The following PIK3C2G variants were observed in gnomAD, a reference collection of about 807,000 sequenced individuals.
The protein encoded by PIK3C2G is phosphatidylinositol 3-kinase C2 domain-containing subunit gamma.
In PIK3C2G, 168 loss-of-function variants were observed where a neutral mutation model predicts 181.1. The observed-to-expected ratio is 0.93, with a 90% CI of 0.82 to 1.05. PIK3C2G has a LOEUF of 1.05. Ranked by LOEUF, PIK3C2G falls within the 50% of genes least tolerant of loss-of-function variation. PIK3C2G has a pLI of 0.00. For synonymous variants in PIK3C2G, 573 were observed against 592.2 expected, an observed-to-expected ratio of 0.97 and a Z score of 0.47; for missense variants, 1,869 against 1,732.8, an observed-to-expected ratio of 1.08 and a Z score of -1.40.
chr12:18,626,691 G>A (rs1044725039), intron 31 of PIK3C2G, among the ~76,000 whole-genome samples: 2 of 151,950 alleles, frequency 1.3e-5, no homozygotes, highest in South Asian at 2.1e-4. Context: ...AATAGTCTTG[G>A]TTGGTAGGCT....
intron 1 of PIK3C2G, among the ~76,000 whole-genome samples, chr12:18,249,125 G>C (rs969758196): frequency 6.6e-6 from 1 of 152,050 alleles, no homozygotes; most frequent in African/African-American, 2.4e-5. Flanking sequence ...CGCTGTGCTA[G>C]AATATCTGTT....
chr12:18,316,362 C>T (rs963018835), intron 6 of PIK3C2G, among the ~76,000 whole-genome samples: 1 of 152,122 alleles, frequency 6.6e-6, no homozygotes, highest in Non-Finnish European at 1.5e-5. Flanking sequence ...GCTGTCATCA[C>T]CGTTGTTGTC....
rs1172811749 is a variant in PIK3C2G, at chr12:18,293,955, A to G, written c.974A>G (p.Asp325Gly). The change falls in exon 5 of 33, where the codon GAC becomes GGC. Residue 325 changes from aspartate (D) to glycine (G), a missense_variant. Transcript: ENST00000538779. ...GAAATTCTGCATTTTTGCACAAATG[A>G]CCAGCTACTCCCCAAAGATCATATT... The part of the protein sequence containing the change: ...IAEILHFCTN[D>G]QLLPKDHILS... 5.0e-6 allele frequency: 8 copies of G among 1,601,768 alleles called. No individual in the cohort carries two copies. Among genetic ancestry groups the G allele is most frequent in the Non-Finnish European group, 6.8e-6 (8 of 1,168,980 alleles).
chr12:18,504,368 C>T (rs777974651), intron 23 of PIK3C2G, among the ~76,000 whole-genome samples: 5 of 152,274 alleles, frequency 3.3e-5, no homozygotes, highest in East Asian at 1.9e-4. Context: ...CTTGTGGTTA[C>T]GTTATTTCCA....
chr12:18,296,235 C>A (rs983612272), intron 5 of PIK3C2G, among the ~76,000 whole-genome samples: 2 of 151,862 alleles, frequency 1.3e-5, no homozygotes, highest in South Asian at 2.1e-4. Flanking sequence ...GACTATGAAC[C>A]CATATAATGC....
At chr12:18,285,154 A>T (rs1465452536) in intron 2 of PIK3C2G, among the ~76,000 whole-genome samples, 1 of 152,144 alleles carries the variant, frequency 6.6e-6, no homozygotes, top group Non-Finnish European at 1.5e-5. Flanking sequence ...ACAGTGGAAC[A>T]ACAATCTGAA....
chr12:18,442,669 G>C (rs1450293415), intron 18 of PIK3C2G, among the ~76,000 whole-genome samples: 1 of 152,008 alleles, frequency 6.6e-6, no homozygotes, highest in African/African-American at 2.4e-5. Context: ...CTCATTGTAA[G>C]GATGAATGTG....
intron 12 of PIK3C2G, among the ~76,000 whole-genome samples, chr12:18,363,292 A>G (rs964694342): frequency 2.6e-5 from 4 of 152,240 alleles, no homozygotes; most frequent in Non-Finnish European, 5.9e-5. Flanking sequence ...AAGCTGAAGT[A>G]CAAATTTATT....
chr12:18,508,643 T>C (rs557233447), intron 24 of PIK3C2G, among the ~76,000 whole-genome samples: 2 of 152,292 alleles, frequency 1.3e-5, no homozygotes, highest in South Asian at 4.1e-4. Flanking sequence ...CCACTTATGC[T>C]GGAGGTTGCA....
intron 1 of PIK3C2G, among the ~76,000 whole-genome samples, chr12:18,251,088 A>T (rs1006075636): frequency 6.6e-6 from 1 of 152,012 alleles, no homozygotes. Context: ...AGTTTTTAGA[A>T]ATCTTTGCCT....
intron 1 of PIK3C2G, among the ~76,000 whole-genome samples, chr12:18,275,644 G>A (rs1452908810): frequency 6.6e-6 from 1 of 152,268 alleles, no homozygotes; most frequent in East Asian, 1.9e-4. Flanking sequence ...GCCTCCCAAA[G>A]TGCTGGGATT....
chr12:18,403,653 G>A (rs1453683806), intron 16 of PIK3C2G, among the ~76,000 whole-genome samples: 1 of 151,986 alleles, frequency 6.6e-6, no homozygotes, highest in Non-Finnish European at 1.5e-5. Context: ...CTGTCCAAAG[G>A]TTCACCATCT....
At chr12:18,602,210 C>T (rs1385804530) in intron 30 of PIK3C2G, among the ~76,000 whole-genome samples, 1 of 152,092 alleles carries the variant, frequency 6.6e-6, no homozygotes, top group African/African-American at 2.4e-5. Context: ...GGGAGTGAGA[C>T]TGGCCATTCA....
chr12:18,322,101 T>C (rs913462655), intron 7 of PIK3C2G, among the ~76,000 whole-genome samples: 42 of 152,100 alleles, frequency 2.8e-4, no homozygotes, highest in African/African-American at 9.7e-4. Flanking sequence ...TAAAATAAAA[T>C]TGGCCAAGTG....
intron 1 of PIK3C2G, among the ~76,000 whole-genome samples, chr12:18,278,207 TG>T (rs1299200988): frequency 8.5e-5 from 13 of 152,206 alleles, no homozygotes; most frequent in Admixed American, 6.5e-4. Context: ...TGGGTCCCAC[TG>T]TACTAAGATC....
At chr12:18,698,315 C>G in the PIK3C2G span, among the ~76,000 whole-genome samples, 1 of 151,734 alleles carries the variant, frequency 6.6e-6, no homozygotes, top group East Asian at 1.9e-4. Context: ...CCATCCCATT[C>G]CATTCTACTC....
intron 12 of PIK3C2G, among the ~76,000 whole-genome samples, chr12:18,363,948 G>A (rs1941456358): frequency 6.6e-6 from 1 of 151,956 alleles, no homozygotes; most frequent in African/African-American, 2.4e-5. Context: ...TTATTCCTTT[G>A]ACCAAAGACC....
chr12:18,714,993 T>C, the PIK3C2G span: 1 of 151,842 alleles, frequency 6.6e-6, no homozygotes, highest in South Asian at 2.1e-4. Context: ...ATGGGCCATA[T>C]GAGAAAATGA....
At chr12:18,693,282 C>A in the PIK3C2G span, 2 of 1,517,638 alleles carry the variant, frequency 1.3e-6, no homozygotes, top group Non-Finnish European at 1.8e-6. Flanking sequence ...TGACATGGAT[C>A]CCCTGGTCAC....
Sources: gnomAD v4.1 joint callset for allele counts (sites outside exome capture counted in the v4.1 genomes callset) on GRCh38, gnomAD v4.1.1 for gene constraint, MANE v1.5 for transcripts, NCBI Gene and HGNC (gene_info 2026-07-23, HGNC 2026-07-21) for gene names.